The following BCHE variants were observed in gnomAD, a reference collection of about 807,000 sequenced individuals.
BCHE encodes cholinesterase.
BCHE carries 48 observed loss-of-function variants against 51.3 expected under a neutral mutation model. That is an observed-to-expected ratio of 0.94 (90% CI 0.74 to 1.19). The LOEUF is 1.19. BCHE is among the 50% of genes most tolerant of loss of function. The pLI, the probability that BCHE is intolerant of heterozygous loss-of-function variation, is 0.00. For synonymous variants in BCHE, 251 were observed against 238.0 expected (o/e 1.05, Z -0.50); for missense variants, 847 against 708.2 (o/e 1.20, Z -2.23).
At chr3:165,821,404 G>T (rs910566958) in intron 2 of BCHE, among the ~76,000 whole-genome samples, 1 of 150,736 alleles carries the variant, frequency 6.6e-6, no homozygotes, top group African/African-American at 2.4e-5. Context: ...CAGTTTTTCT[G>T]TTGTCATTTA....
chr3:165,793,937 C>T (rs530006773), intron 2 of BCHE, among the ~76,000 whole-genome samples: 43 of 152,120 alleles, frequency 2.8e-4, no homozygotes, highest in African/African-American at 9.4e-4. Context: ...GTCCCAGCTC[C>T]TCGGAAGGCT....
chr3:165,830,048 T>G lies in BCHE; in HGVS notation c.986A>C (p.Asp329Ala), dbSNP rs1265743447. The G allele has an allele frequency of 3.7e-6, 6 of 1,613,690 alleles. No individual in the cohort carries two copies. The highest frequency in any genetic ancestry group is 5.1e-6 in the Non-Finnish European group (6 of 1,179,910). ...GPTVDGDFLT[D>A]MPDILLELGQ... is the part of the protein sequence containing the mutation. The stretch of plus-strand genomic sequence containing the variant: ...AAGTTCAAGTAATATGTCTGGCATG[T>G]CAGTGAGAAAATCACCATCCACGGT... The change falls in exon 2 of 4, where the codon GAC becomes GCC. Residue 329 changes from aspartate to alanine, a missense_variant. Asp to Ala is a moderately radical substitution (Grantham distance 126). Transcript: ENST00000264381.
At chr3:165,820,709 T>G (rs144119083) in intron 2 of BCHE, among the ~76,000 whole-genome samples, 67 of 152,128 alleles carry the variant, frequency 4.4e-4, no homozygotes, top group African/African-American at 1.6e-3. Flanking sequence ...CTGATAATAA[T>G]TGGACTAGAT....
intron 3 of BCHE, 35 bp downstream of exon 3, chr3:165,786,110 T>A (rs901519358): frequency 6.3e-7 from 1 of 1,590,660 alleles, no homozygotes; most frequent in Non-Finnish European, 8.6e-7. Flanking sequence ...TAACCCATCA[T>A]CTATTAAATA....
At chr3:165,798,059 T>A (rs902904485) in intron 2 of BCHE, among the ~76,000 whole-genome samples, 1 of 152,172 alleles carries the variant, frequency 6.6e-6, no homozygotes, top group Non-Finnish European at 1.5e-5. Flanking sequence ...ACTTTAAGGC[T>A]CCGTAATAGC....
intron 3 of BCHE, among the ~76,000 whole-genome samples, chr3:165,782,594 C>CA (rs1447950957): frequency 6.6e-6 from 1 of 152,046 alleles, no homozygotes; most frequent in Non-Finnish European, 1.5e-5. Flanking sequence ...AGTAAATTTT[C>CA]ACCAGAGCTA....
intron 2 of BCHE, among the ~76,000 whole-genome samples, chr3:165,824,825 A>G (rs897681633): frequency 1.1e-4 from 16 of 152,090 alleles, no homozygotes; most frequent in South Asian, 2.1e-4. Flanking sequence ...TTAAATATTT[A>G]TATAAATTAA....
At chr3:165,778,002 CTTAA>C (rs980173894) in intron 3 of BCHE, among the ~76,000 whole-genome samples, 91 of 152,096 alleles carry the variant, frequency 6.0e-4, no homozygotes, top group African/African-American at 2.0e-3. Context: ...GTCAAGTAGG[CTTAA>C]TTAGTCAACT....
chr3:165,834,402 G>A (rs1715111392), intron 1 of BCHE, among the ~76,000 whole-genome samples: 1 of 151,890 alleles, frequency 6.6e-6, no homozygotes, highest in Non-Finnish European at 1.5e-5. Flanking sequence ...TGCATTCATT[G>A]CAAAAATGAC....
chr3:165,778,631 C>T (rs1391659019), intron 3 of BCHE: 1 of 448,106 alleles, frequency 2.2e-6, no homozygotes, highest in Non-Finnish European at 4.5e-6. Flanking sequence ...TTTCCATGGT[C>T]CTGGGCCCTG....
chr3:165,828,060 G>A (rs1207337105), intron 2 of BCHE: 1 of 456,002 alleles, frequency 2.2e-6, no homozygotes, highest in Admixed American at 2.4e-5. Context: ...GTATGGTTGA[G>A]GAAGAACAGC....
chr3:165,783,347 A>G (rs1215645542), intron 3 of BCHE, among the ~76,000 whole-genome samples: 1 of 152,142 alleles, frequency 6.6e-6, no homozygotes, highest in Non-Finnish European at 1.5e-5. Flanking sequence ...TTAAAGTGGA[A>G]CAGTTAATTT....
At chr3:165,832,869 A>C (rs1223272894) in intron 1 of BCHE, among the ~76,000 whole-genome samples, 5 of 152,152 alleles carry the variant, frequency 3.3e-5, no homozygotes, top group Admixed American at 3.3e-4. Context: ...GACGTAGGGT[A>C]TCATATTTCA....
Position 165,830,080 on chromosome 3 carries a change from A to C in BCHE, c.954T>G (p.Phe318Leu). 1 of 1,613,658 alleles carries C rather than the reference A, an allele frequency of 6.2e-7. No homozygotes were observed. The highest frequency in any genetic ancestry group is 8.5e-7 in the Non-Finnish European group (1 of 1,179,830). Residue 318 changes from phenylalanine to leucine, a missense_variant, in exon 2 of 4, where the codon TTT (phenylalanine) becomes TTG (leucine). Coordinates refer to ENST00000264381, the MANE Select transcript of BCHE (RefSeq NM_000055.4). The stretch of plus-strand genomic sequence containing the variant: ...GAAAATCACCATCCACGGTCGGACC[A>C]AAGTTTACTGACAAAGGAGTCCCAT... ...VPYGTPLSVN[F>L]GPTVDGDFLT... is the part of the protein sequence containing the mutation.
intron 2 of BCHE, among the ~76,000 whole-genome samples, chr3:165,814,043 A>T (rs1714207750): frequency 6.6e-6 from 1 of 152,008 alleles, no homozygotes; most frequent in African/African-American, 2.4e-5. Flanking sequence ...TTCCACAATG[A>T]TTTCATTATA....
intron 2 of BCHE, among the ~76,000 whole-genome samples, chr3:165,805,638 A>T (rs1163331764): frequency 6.6e-6 from 1 of 152,236 alleles, no homozygotes; most frequent in Non-Finnish European, 1.5e-5. Flanking sequence ...GATGGATGAT[A>T]GCAATAACCT....
At chr3:165,793,530 T>C (rs1012057799) in intron 2 of BCHE, among the ~76,000 whole-genome samples, 1 of 152,322 alleles carries the variant, frequency 6.6e-6, no homozygotes, top group South Asian at 2.1e-4. Context: ...GCAAGAAATA[T>C]GAGTAAAATA....
chr3:165,774,443 C>T (rs544973002), intron 3 of BCHE, among the ~76,000 whole-genome samples: 2 of 152,172 alleles, frequency 1.3e-5, no homozygotes, highest in African/African-American at 4.8e-5. Flanking sequence ...AAGAGATTCT[C>T]CCTCCTCAGA....
intron 3 of BCHE, chr3:165,777,664 TAC>T: frequency 3.1e-6 from 1 of 325,192 alleles, no homozygotes; most frequent in Admixed American, 3.6e-5. Flanking sequence ...GTAAAAAATA[TAC>T]ACACAGTTGA....
Sources: allele counts gnomAD v4.1 joint callset (sites outside exome capture counted in the v4.1 genomes callset), GRCh38; gene constraint gnomAD v4.1.1; transcripts MANE v1.5; gene names NCBI Gene and HGNC (gene_info 2026-07-23, HGNC 2026-07-21).